Variants in BTBD9 observed in about 807,000 individuals in gnomAD.
BTBD9 encodes BTB domain containing 9.
Under a neutral mutation model 64.3 loss-of-function variants are expected in BTBD9, and 49 were observed. That is an observed-to-expected ratio of 0.76 (90% CI 0.61 to 0.97). The LOEUF (loss-of-function observed/expected upper bound fraction) is 0.97. Among genes scored for constraint, BTBD9 ranks in the 50% least tolerant of loss-of-function variants. BTBD9 has a pLI of 0.00. For missense variants in BTBD9, 598 were observed against 762.1 expected, an observed-to-expected ratio of 0.78 and a Z score of 2.53; for synonymous variants, 260 against 274.7, an observed-to-expected ratio of 0.95 and a Z score of 0.53.
intron 1 of BTBD9, among the ~76,000 whole-genome samples, chr6:38,607,112 T>C (rs1185068563): frequency 6.6e-6 from 1 of 152,196 alleles, no homozygotes; most frequent in Non-Finnish European, 1.5e-5. Flanking sequence ...TACATACATG[T>C]ACTTTGCTAA....
chr6:38,404,145 T>C lies in BTBD9; in HGVS notation c.1155-59052A>G, dbSNP rs956057496. On this transcript the variant is annotated intron_variant, in intron 6 of 10. Coordinates refer to ENST00000481247, the MANE Select transcript of BTBD9 (RefSeq NM_001099272.2). ...TTTTTAGGGTGATAAAAAATGTTAG[T>C]GGTGATGGATGCACAACCTTCTGAA... is the stretch of plus-strand genomic sequence containing the variant. 3.7e-4 allele frequency among the ~76,000 whole-genome samples: 57 copies of C among 152,304 alleles called. 3 individuals are homozygous for C. Among genetic ancestry groups the C allele is most frequent in the Non-Finnish European group, 1.9e-4 (13 of 68,006 alleles).
intron 6 of BTBD9, among the ~76,000 whole-genome samples, chr6:38,395,064 G>C (rs1766604431): frequency 6.6e-6 from 1 of 152,186 alleles, no homozygotes; most frequent in Non-Finnish European, 1.5e-5. Context: ...ACAGAATTAG[G>C]AGGTGGGGGC....
At chr6:38,183,077 T>C (rs1761638520) in intron 10 of BTBD9, among the ~76,000 whole-genome samples, 1 of 151,882 alleles carries the variant, frequency 6.6e-6, no homozygotes, top group Non-Finnish European at 1.5e-5. Context: ...CCTCCCGGGT[T>C]CATGCCATTC....
chr6:38,587,838 C>T (rs776173461), intron 4 of BTBD9: 1 of 717,906 alleles, frequency 1.4e-6, no homozygotes, highest in Admixed American at 1.8e-5. Context: ...CAGCTTTTGA[C>T]CCTTTTAAAA....
In BTBD9 at chr6:38,345,091, T is replaced by C; in HGVS notation, c.1157A>G (p.Tyr386Cys). Residue 386 changes from tyrosine (Y) to cysteine (C), a missense_variant and splice_region_variant, in exon 7 of 11, where the codon TAT (tyrosine) becomes TGT (cysteine). Physicochemically the swap from Tyr to Cys is radical, Grantham distance 194 (BLOSUM62 -2). Coordinates refer to ENST00000481247, the MANE Select transcript of BTBD9 (RefSeq NM_001099272.2). The stretch of plus-strand genomic sequence containing the variant: ...GTTGTGAGTCCCAACAATTCGAATA[T>C]ACCTGACGGTAAAAAGAAAAGAAAA... ...KLYFPARVCR[Y>C]IRIVGTHNTV... The C allele has an allele frequency of 6.3e-7, 1 of 1,581,450 alleles. No individual in the cohort carries two copies. Among genetic ancestry groups the C allele is most frequent in the Non-Finnish European group, 8.6e-7 (1 of 1,156,080 alleles).
At chr6:38,556,550 TGAGAGAGA>T (rs139812784) in intron 6 of BTBD9, among the ~76,000 whole-genome samples, 882 of 61,668 alleles carry the variant, frequency 0.014, 12 homozygotes, top group African/African-American at 0.043. Flanking sequence ...TGTGTGTGTG[TGAGAGAGA>T]GAGAGAGAGA....
At chr6:38,272,113 A>G (rs1190426744) in intron 8 of BTBD9, among the ~76,000 whole-genome samples, 1 of 152,198 alleles carries the variant, frequency 6.6e-6, no homozygotes, top group East Asian at 1.9e-4. Flanking sequence ...GTCATTGACC[A>G]CTACCCTCTA....
Position 38,525,277 on chromosome 6 carries a change from C to T in BTBD9, c.1154+52323G>A, listed in dbSNP as rs565599882. 8.9e-4 allele frequency among the ~76,000 whole-genome samples: 135 copies of T among 152,296 alleles called. 2 individuals carry two copies. Among genetic ancestry groups the T allele is most frequent in the Admixed American group, 2.6e-3 (40 of 15,296 alleles). Reference sequence around the variant, plus strand: ...TCTTGCTCGCTCTCTCTCCTGCAACCTTGTAAAGAAGGTGCCTGCTTCCCC... The same window carrying T: ...TCTTGCTCGCTCTCTCTCCTGCAACTTTGTAAAGAAGGTGCCTGCTTCCCC... On this transcript the variant is annotated intron_variant, in intron 6 of 10. Coordinates refer to ENST00000481247, the MANE Select transcript of BTBD9 (RefSeq NM_001099272.2).
rs1221351730 is a variant in BTBD9, at chr6:38,171,859, AAAAAAAAAAAAAAAAAAAAAAAAT to A, written c.*3102_*3125del. Reference sequence around the variant, plus strand: ...CCTTTCTACTCTCAAAAAAAAAAAAAAAAAAAAAAAAAAAAAAAAAAAATAATAATAATAATAATAATAATAATA... The same window carrying A: ...CCTTTCTACTCTCAAAAAAAAAAAAAAATAATAATAATAATAATAATAATA... On this transcript the variant is annotated 3_prime_UTR_variant, in exon 11 of 11. Transcript: ENST00000481247. The A allele has an allele frequency of 3.2e-4, 21 of 66,434 alleles. No individual in the cohort carries two copies. Among genetic ancestry groups the A allele is most frequent in the Non-Finnish European group, 4.4e-4 (13 of 29,396 alleles). The allele number at this position is 66,434 out of a possible 1,614,324, so 4.1% of individuals were successfully genotyped here.
At chr6:38,293,305 T>C (rs1702599036) in intron 7 of BTBD9, among the ~76,000 whole-genome samples, 1 of 152,166 alleles carries the variant, frequency 6.6e-6, no homozygotes, top group Admixed American at 6.5e-5. Flanking sequence ...CTTCATAGAA[T>C]TAGAAAAAAC....
intron 7 of BTBD9, among the ~76,000 whole-genome samples, chr6:38,334,621 ATAAC>A (rs1163207256): frequency 2.2e-4 from 31 of 139,538 alleles, no homozygotes; most frequent in Admixed American, 1.8e-3. Flanking sequence ...ATAACATAAC[ATAAC>A]ATAAAATAAA....
chr6:38,319,782 C>T (rs1184711483), intron 7 of BTBD9, among the ~76,000 whole-genome samples: 1 of 151,988 alleles, frequency 6.6e-6, no homozygotes, highest in African/African-American at 2.4e-5. Flanking sequence ...CAAGCATTCC[C>T]TTAGCTGCCC....
At chr6:38,199,494 G>A (rs1431861113) in intron 9 of BTBD9, among the ~76,000 whole-genome samples, 1 of 152,094 alleles carries the variant, frequency 6.6e-6, no homozygotes, top group Admixed American at 6.5e-5. Context: ...CAAAGTTCCT[G>A]CCCTCCAAGA....
At chr6:38,574,577 A>C (rs9470902) in intron 6 of BTBD9, among the ~76,000 whole-genome samples, 9,485 of 152,158 alleles carry the variant, frequency 0.062, 715 homozygotes, top group East Asian at 0.24. Flanking sequence ...AATTAGGAAA[A>C]ATAATAAAAA....
At chr6:38,575,018 T>C (rs1775964802) in intron 6 of BTBD9, among the ~76,000 whole-genome samples, 1 of 152,212 alleles carries the variant, frequency 6.6e-6, no homozygotes. Context: ...TGTAAATGTA[T>C]TAGATGTAAT....
chr6:38,235,755 T>C (rs1763756289), intron 9 of BTBD9, among the ~76,000 whole-genome samples: 1 of 152,238 alleles, frequency 6.6e-6, no homozygotes, highest in African/African-American at 2.4e-5. Flanking sequence ...TCTGCTTTAC[T>C]CAAAGGTTTT....
intron 6 of BTBD9, among the ~76,000 whole-genome samples, chr6:38,510,537 T>TA (rs34623632): frequency 0.63 from 95,942 of 152,032 alleles, 33,083 homozygotes; most frequent in East Asian, 0.77. Context: ...TCTTCAGTAG[T>TA]AATTAAACTT....
At chr6:38,575,086 G>A in intron 6 of BTBD9, among the ~76,000 whole-genome samples, 1 of 152,132 alleles carries the variant, frequency 6.6e-6, no homozygotes. Context: ...GTTTCCTGAA[G>A]AAAAAACAAA....
rs77016075 is a variant in BTBD9, at chr6:38,290,180, G to C, written c.1265-1719C>G. Reference sequence around the variant, plus strand: ...AAGAAAGGAAGGGAGAGGAGGGAGAGAGAGAGGATGAATTTTTCTGGTGAT... The same window carrying C: ...AAGAAAGGAAGGGAGAGGAGGGAGACAGAGAGGATGAATTTTTCTGGTGAT... On this transcript the variant is annotated intron_variant, in intron 7 of 10. Coordinates refer to ENST00000481247, the MANE Select transcript of BTBD9 (RefSeq NM_001099272.2). Among the ~76,000 whole-genome samples, 791 of 150,074 alleles carry C rather than the reference G, an allele frequency of 5.3e-3. 5 individuals are homozygous for C. The highest frequency in any genetic ancestry group is 0.018 in the African/African-American group (735 of 40,746).
Sources: allele counts gnomAD v4.1 joint callset (sites outside exome capture counted in the v4.1 genomes callset), GRCh38; gene constraint gnomAD v4.1.1; transcripts MANE v1.5; gene names NCBI Gene and HGNC (gene_info 2026-07-23, HGNC 2026-07-21).